Variants in CCDC9B observed in about 807,000 individuals in gnomAD.
CCDC9B encodes the protein coiled-coil domain containing 9B.
A neutral mutation model predicts 47.2 loss-of-function variants in CCDC9B; 40 were observed. The observed-to-expected ratio is 0.85, with a 90% confidence interval of 0.66 to 1.10. The LOEUF (loss-of-function observed/expected upper bound fraction) is 1.10. Ranked by LOEUF, CCDC9B falls within the 50% of genes least tolerant of loss-of-function variation. The pLI is 0.00. For missense variants in CCDC9B, 662 were observed against 651.0 expected (o/e 1.02, Z -0.18); for synonymous variants, 238 against 250.7 (o/e 0.95, Z 0.48).
chr15:40,332,226 T>A lies in CCDC9B; in HGVS notation c.*2932A>T, dbSNP rs892819810. On this transcript the variant is annotated 3_prime_UTR_variant, in exon 11 of 11. Transcript: ENST00000397536. The stretch of plus-strand genomic sequence containing the variant: ...TGATGCCAAGCTCTGTGGAGGGGTG[T>A]CTTATTGCGCCTCCCTCCCACTCCA... 1 of 152,102 alleles carries A rather than the reference T, an allele frequency of 6.6e-6. No homozygotes were observed. Among genetic ancestry groups the A allele is most frequent in the Admixed American group, 6.5e-5 (1 of 15,270 alleles). The allele number at this position is 152,102 out of a possible 1,614,324, so 9.4% of individuals were successfully genotyped here.
Sources: allele counts gnomAD v4.1 joint callset, GRCh38; gene constraint gnomAD v4.1.1; transcripts MANE v1.5; gene names NCBI Gene and HGNC (gene_info 2026-07-23, HGNC 2026-07-21).